Variants in DNAJB9 observed in about 807,000 individuals in gnomAD.
DNAJB9 encodes dnaJ homolog subfamily B member 9.
DNAJB9 carries 12 observed loss-of-function variants against 19.2 expected under a neutral mutation model. The ratio of observed to expected loss-of-function variants is 0.62; its 90% CI spans 0.40 to 1.01. The LOEUF is 1.01. Ranked by LOEUF, DNAJB9 falls within the 50% of genes least tolerant of loss-of-function variation. The probability of loss-of-function intolerance (pLI) is 0.00; values close to 1 mark genes in which losing one functional copy is unlikely to be tolerated. For missense variants in DNAJB9, 272 were observed against 261.1 expected (o/e 1.04, Z -0.29); for synonymous variants, 83 against 84.0 (o/e 0.99, Z 0.07).
chr7:108,573,246 A>G lies in DNAJB9; in HGVS notation c.565A>G (p.Thr189Ala), dbSNP rs147747165. Residue 189 changes from threonine to alanine, a missense_variant, in exon 3 of 3, where the codon ACA becomes GCA. Physicochemically the swap from Thr to Ala is moderately conservative, Grantham distance 58. Coordinates refer to ENST00000249356, the MANE Select transcript of DNAJB9 (RefSeq NM_012328.3). ...FSGFDSTNQH[T>A]VQTENRFHGS... ...TGGTTTTGACTCTACCAATCAGCAT[A>G]CAGTACAGACTGAAAATAGATTTCA... is the stretch of plus-strand genomic sequence containing the variant. 106 of 1,613,914 alleles carry G rather than the reference A, an allele frequency of 6.6e-5. 1 individual carries two copies. Among genetic ancestry groups the G allele is most frequent in the Non-Finnish European group, 8.6e-5 (102 of 1,179,906 alleles).
chr7:108,571,693 A>ATT (rs571581680), intron 1 of DNAJB9, 24 bp from the exon 2 acceptor site: 1 of 1,517,206 alleles, frequency 6.6e-7, no homozygotes, highest in Non-Finnish European at 9.0e-7. Flanking sequence ...CATCCATAAC[A>ATT]TTTTTTTTTC....
rs1372997382 is a variant in DNAJB9 at position 108,573,446 on chromosome 7, A to G, written c.*93A>G. 2 of 953,080 alleles carry G rather than the reference A, an allele frequency of 2.1e-6. No homozygotes were observed. The highest frequency in any genetic ancestry group is 2.9e-6 in the Non-Finnish European group (2 of 689,402). The allele number at this position is 953,080 out of a possible 1,614,324, so 59.0% of individuals were successfully genotyped here. ...TTCTGTGAACTATTTTGACAAGTGCATGATTTCACTTTAAACAATTTGATA... is the reference window on the plus strand; with the variant it reads ...TTCTGTGAACTATTTTGACAAGTGCGTGATTTCACTTTAAACAATTTGATA... On this transcript the variant is annotated 3_prime_UTR_variant, in exon 3 of 3. Transcript: ENST00000249356.
chr7:108,572,345 G>A (rs1209381973), intron 2 of DNAJB9, among the ~76,000 whole-genome samples: 1 of 152,134 alleles, frequency 6.6e-6, no homozygotes, highest in African/African-American at 2.4e-5. Context: ...CACTTGATCT[G>A]CTTTTCAAAG....
intron 1 of DNAJB9, among the ~76,000 whole-genome samples, chr7:108,570,801 T>TCAGCCTTATTATGG: frequency 6.6e-6 from 1 of 152,280 alleles, no homozygotes; most frequent in South Asian, 2.1e-4. Flanking sequence ...GTGTTTTTCG[T>TCAGCCTTATTATGG]CAGCCTTATT....
In DNAJB9 at chr7:108,569,938, G is replaced by A; in HGVS notation, c.-176G>A. 1 of 354,870 alleles carries A rather than the reference G, an allele frequency of 2.8e-6. No homozygotes were observed. Among genetic ancestry groups the A allele is most frequent in the Non-Finnish European group, 5.3e-6 (1 of 187,012 alleles). The allele number at this position is 354,870 out of a possible 1,614,324, so 22.0% of individuals were successfully genotyped here. ...GCTGGCTGAGAGGGGACTGGGCGCC[G>A]GCGGGGAAGGAGGAGCGCTAGGTCG... On this transcript the variant is annotated 5_prime_UTR_variant, in exon 1 of 3. Transcript: ENST00000249356.
At chr7:108,572,320 C>T (rs899006967) in intron 2 of DNAJB9, among the ~76,000 whole-genome samples, 1 of 152,118 alleles carries the variant, frequency 6.6e-6, no homozygotes, top group Non-Finnish European at 1.5e-5. Flanking sequence ...AAACTAGACT[C>T]TAAAGTGCTT....
In DNAJB9 at chr7:108,573,044, CTT is replaced by C. The variant is rs1564014672; in HGVS notation, c.365_366del (p.Phe122TrpfsTer16). 4 of 1,614,000 alleles carry C rather than the reference CTT, an allele frequency of 2.5e-6. No individual in the cohort carries two copies. The highest frequency in any genetic ancestry group is 2.2e-5 in the East Asian group (1 of 44,870). ...NFNFDDLFKDFGFFGQNQNTG... is the reference protein window; with the variant it reads ...NFNFDDLFKDXGFFGQNQNTG... ...TCAATTTTGATGACTTATTTAAAGA[CTT>C]TGGCTTTTTTGGTCAAAACCAAAAC... is the stretch of plus-strand genomic sequence containing the variant. On this transcript the variant is annotated frameshift_variant, in exon 3 of 3. Coordinates refer to ENST00000249356, the MANE Select transcript of DNAJB9 (RefSeq NM_012328.3). LOFTEE classifies it high-confidence loss of function.
chr7:108,570,664 A>G (rs1343076442), intron 1 of DNAJB9, among the ~76,000 whole-genome samples: 1 of 152,078 alleles, frequency 6.6e-6, no homozygotes, highest in Non-Finnish European at 1.5e-5. Flanking sequence ...TTAAACCGAG[A>G]AGTGGTTCTT....
chr7:108,571,885 C>T lies in DNAJB9; in HGVS notation c.159C>T (p.Tyr53=), dbSNP rs1449182251. ...CCTTTCACAAGTTGGCCATGAAGTA[C>T]CACCCTGACAAAAATAAGAGCCCGG... The part of the protein sequence containing the change: ...KKAFHKLAMK[Y]HPDKNKSPDA... Residue 53 remains tyrosine, a synonymous_variant, in exon 2 of 3, where the codon TAC becomes TAT. Coordinates refer to ENST00000249356, the MANE Select transcript of DNAJB9 (RefSeq NM_012328.3). The T allele has an allele frequency of 6.2e-7, 1 of 1,613,952 alleles. No homozygotes were observed.
chr7:108,573,151 A>G lies in DNAJB9; in HGVS notation c.470A>G (p.Gln157Arg), dbSNP rs987580160. The change falls in exon 3 of 3, where the codon CAA (glutamine) becomes CGA (arginine). Residue 157 changes from glutamine (Q) to arginine (R), a missense_variant. By Grantham distance (43) the Gln-to-Arg change is conservative. Transcript: ENST00000249356. ...TCCAGTAGACAAAGGCATCATTTCC[A>G]AGAATTTTCTTTTGGAGGTGGATTA... ...GGSSRQRHHF[Q>R]EFSFGGGLFD... The G allele has an allele frequency of 3.7e-6, 6 of 1,613,950 alleles. No individual in the cohort carries two copies. Among genetic ancestry groups the G allele is most frequent in the Non-Finnish European group, 4.2e-6 (5 of 1,179,944 alleles).
chr7:108,572,895 T>C lies in DNAJB9; in HGVS notation c.218-4T>C, dbSNP rs1790641185. ...GTTACTAAAAATATTTTTGTCACTT[T>C]CAGCATATGAAACACTCTCAGATGC... On this transcript the variant is annotated splice_polypyrimidine_tract_variant and splice_region_variant and intron_variant, in intron 2 of 2. Coordinates refer to ENST00000249356, the MANE Select transcript of DNAJB9 (RefSeq NM_012328.3). 1 of 1,582,258 alleles carries C rather than the reference T, an allele frequency of 6.3e-7. No homozygotes were observed. The highest frequency in any genetic ancestry group is 1.8e-5 in the Admixed American group (1 of 54,544).
At chr7:108,570,428 G>A (rs903026423) in intron 1 of DNAJB9, among the ~76,000 whole-genome samples, 2 of 152,136 alleles carry the variant, frequency 1.3e-5, no homozygotes, top group Admixed American at 1.3e-4. Context: ...ACCGAGGCTG[G>A]GGAATAAGGC....
Position 108,573,338 on chromosome 7 carries a change from CTGTT to C in DNAJB9, c.658_661del (p.Cys220GlnfsTer22). On this transcript the variant is annotated frameshift_variant, in exon 3 of 3. Coordinates refer to ENST00000249356, the MANE Select transcript of DNAJB9 (RefSeq NM_012328.3). LOFTEE classifies it high-confidence loss of function. ...GAAATATGGTTACTACATACACTGA[CTGTT>C]CAGGACAGTAGTTCTTATTCTATTC... The C allele has an allele frequency of 6.4e-7, 1 of 1,568,558 alleles. No homozygotes were observed. The highest frequency in any genetic ancestry group is 2.3e-5 in the East Asian group (1 of 44,378).
intron 1 of DNAJB9, 93 bp from the exon 2 acceptor site, chr7:108,571,622 CTG>C: frequency 1.1e-6 from 1 of 946,766 alleles, no homozygotes; most frequent in Non-Finnish European, 1.6e-6. Context: ...TATTTTGATA[CTG>C]CATTAGGTTT....
chr7:108,573,058 G>T lies in DNAJB9; in HGVS notation c.377G>T (p.Gly126Val), dbSNP rs769658594. ...DDLFKDFGFF[G>V]QNQNTGSKKR... is the part of the protein sequence containing the mutation. ...TTATTTAAAGACTTTGGCTTTTTTG[G>T]TCAAAACCAAAACACTGGATCCAAG... Residue 126 changes from glycine to valine, a missense_variant, in exon 3 of 3, where the codon GGT becomes GTT. Gly to Val is a moderately radical substitution (Grantham distance 109, BLOSUM62 -3). Coordinates refer to ENST00000249356, the MANE Select transcript of DNAJB9 (RefSeq NM_012328.3). The T allele has an allele frequency of 6.2e-7, 1 of 1,613,926 alleles. No homozygotes were observed. The highest frequency in any genetic ancestry group is 8.5e-7 in the Non-Finnish European group (1 of 1,179,918).
In DNAJB9 at chr7:108,572,908, C is replaced by A; in HGVS notation, c.227C>A (p.Thr76Lys). 1 of 1,594,412 alleles carries A rather than the reference C, an allele frequency of 6.3e-7. No homozygotes were observed. The highest frequency in any genetic ancestry group is 1.3e-5 in the African/African-American group (1 of 74,244). ...KFREIAEAYE[T>K]LSDANRRKEY... The stretch of plus-strand genomic sequence containing the variant: ...TTTTTGTCACTTTCAGCATATGAAA[C>A]ACTCTCAGATGCTAATAGACGAAAA... Residue 76 changes from threonine to lysine, a missense_variant, in exon 3 of 3, where the codon ACA becomes AAA. By Grantham distance (78) the Thr-to-Lys change is moderately conservative. Transcript: ENST00000249356.
In DNAJB9 at chr7:108,573,400, T is replaced by C; in HGVS notation, c.*47T>C. The stretch of plus-strand genomic sequence containing the variant: ...ATCCAACTGGTTGACTCTTCCTCAT[T>C]ATCTTTGATGCTAAACAATTTTCTG... On this transcript the variant is annotated 3_prime_UTR_variant, in exon 3 of 3. Transcript: ENST00000249356. 1 of 1,376,228 alleles carries C rather than the reference T, an allele frequency of 7.3e-7. No individual in the cohort carries two copies. The highest frequency in any genetic ancestry group is 9.6e-7 in the Non-Finnish European group (1 of 1,037,970). The allele number at this position is 1,376,228 out of a possible 1,614,324, so 85.3% of individuals were successfully genotyped here.
rs770537374 is a variant in DNAJB9, at chr7:108,573,048, G to C, written c.367G>C (p.Gly123Arg). The C allele has an allele frequency of 8.1e-6, 13 of 1,613,856 alleles. No individual in the cohort carries two copies. The Admixed American group carries it at 2.2e-4, about 27-fold the overall frequency. Residue 123 changes from glycine to arginine, a missense_variant, in exon 3 of 3, where the codon GGC (glycine) becomes CGC (arginine). Physicochemically the swap from Gly to Arg is moderately radical, Grantham distance 125. Coordinates refer to ENST00000249356, the MANE Select transcript of DNAJB9 (RefSeq NM_012328.3). Reference protein sequence around the residue: ...FNFDDLFKDFGFFGQNQNTGS... With the variant: ...FNFDDLFKDFRFFGQNQNTGS... Reference sequence around the variant, plus strand: ...TTTTGATGACTTATTTAAAGACTTTGGCTTTTTTGGTCAAAACCAAAACAC... The same window carrying C: ...TTTTGATGACTTATTTAAAGACTTTCGCTTTTTTGGTCAAAACCAAAACAC...
In DNAJB9 at chr7:108,573,239, TCAG is replaced by T; in HGVS notation, c.561_563del (p.Gln187del). 1 of 1,614,028 alleles carries T rather than the reference TCAG, an allele frequency of 6.2e-7. No homozygotes were observed. Among genetic ancestry groups the T allele is most frequent in the East Asian group, 2.2e-5 (1 of 44,864 alleles). On this transcript the variant is annotated inframe_deletion, in exon 3 of 3. Coordinates refer to ENST00000249356, the MANE Select transcript of DNAJB9 (RefSeq NM_012328.3). ...CTTTTAGTGGTTTTGACTCTACCAA[TCAG>T]CATACAGTACAGACTGAAAATAGAT...
Sources: allele counts gnomAD v4.1 joint callset (sites outside exome capture counted in the v4.1 genomes callset), GRCh38; gene constraint gnomAD v4.1.1; transcripts MANE v1.5; gene names NCBI Gene and HGNC (gene_info 2026-07-23, HGNC 2026-07-21).